Variants in VSIG4 observed in about 807,000 individuals in gnomAD.
VSIG4 encodes the protein V-set and immunoglobulin domain-containing protein 4.
A neutral mutation model predicts 23.4 loss-of-function variants in VSIG4; 34 were observed. That is an observed-to-expected ratio of 1.45 (90% CI 1.10 to 1.93). VSIG4 has a LOEUF of 1.93. Among genes scored for constraint, VSIG4 ranks in the 30% most tolerant of loss-of-function variants. VSIG4 has a pLI of 0.00. For synonymous variants in VSIG4, 169 were observed against 120.3 expected (o/e 1.41, Z -2.65); for missense variants, 433 against 310.8 (o/e 1.39, Z -2.96).
chrX:66,027,394 G>T, intron 5 of VSIG4, 55 bp downstream of exon 5: 5 of 1,044,809 alleles, frequency 4.8e-6, no homozygotes, highest in Non-Finnish European at 6.6e-6. Flanking sequence ...GGAAAGTTTT[G>T]GTCACAAAGC....
chrX:66,034,117 G>A (rs994525308), intron 1 of VSIG4, among the ~76,000 whole-genome samples: 14 of 111,876 alleles, frequency 1.3e-4, no homozygotes, highest in Non-Finnish European at 2.3e-4. Flanking sequence ...CCTTCTTACC[G>A]TGGAAGATTC....
At chrX:66,035,709 T>C (rs760906050) in intron 1 of VSIG4, among the ~76,000 whole-genome samples, 23 of 112,038 alleles carry the variant, frequency 2.1e-4, no homozygotes, top group Middle Eastern at 4.6e-3. Flanking sequence ...AAACATACCA[T>C]GCTTAAACCC....
chrX:66,026,086 CTTAG>C (rs2085387139), intron 5 of VSIG4, among the ~76,000 whole-genome samples: 1 of 111,985 alleles, frequency 8.9e-6, no homozygotes, highest in Admixed American at 9.5e-5. Flanking sequence ...GTCACTAGGC[CTTAG>C]TTACCCCATA....
At chrX:66,024,648 GT>G (rs1334198580) in intron 6 of VSIG4, among the ~76,000 whole-genome samples, 5 of 111,731 alleles carry the variant, frequency 4.5e-5, no homozygotes, top group Non-Finnish European at 9.4e-5. Flanking sequence ...GTCTTCTCTA[GT>G]TTTTGAGCTC....
intron 1 of VSIG4, among the ~76,000 whole-genome samples, chrX:66,034,270 G>T (rs1367438252): frequency 1.8e-5 from 2 of 111,958 alleles, no homozygotes; most frequent in Non-Finnish European, 3.8e-5. Flanking sequence ...TAAGCATTTG[G>T]GTCTGGACTA....
At chrX:66,036,981 A>G (rs1350786586) in intron 1 of VSIG4, among the ~76,000 whole-genome samples, 3 of 31,293 alleles carry the variant, frequency 9.6e-5, no homozygotes, top group African/African-American at 9.1e-4. Flanking sequence ...ATAATATAAT[A>G]TATCATATAA....
intron 5 of VSIG4, 50 bp downstream of exon 5, chrX:66,027,399 C>T (rs766517721): frequency 9.1e-7 from 1 of 1,101,645 alleles, no homozygotes; most frequent in East Asian, 3.2e-5. Context: ...GTTTTGGTCA[C>T]AAAGCTTAGA....
intron 4 of VSIG4, 75 bp from the exon 5 acceptor site, chrX:66,027,601 G>T (rs999238503): frequency 5.8e-6 from 5 of 865,204 alleles, no homozygotes; most frequent in Non-Finnish European, 8.3e-6. Flanking sequence ...TGGTTGCAAA[G>T]GTTGGAGTCC....
intron 5 of VSIG4, among the ~76,000 whole-genome samples, chrX:66,026,246 A>G: frequency 8.9e-6 from 1 of 111,982 alleles, no homozygotes; most frequent in Non-Finnish European, 1.9e-5. Context: ...GCTTGTTTTC[A>G]TGAGACTCTA....
At chrX:66,036,869 T>A (rs867114346) in intron 1 of VSIG4, among the ~76,000 whole-genome samples, 2,574 of 40,216 alleles carry the variant, frequency 0.064, 124 homozygotes, top group Non-Finnish European at 0.081. Context: ...AATAATATAT[T>A]ATATTATATA....
At chrX:66,032,394 T>A in intron 3 of VSIG4, 74 bp downstream of exon 3, 2 of 1,123,863 alleles carry the variant, frequency 1.8e-6, no homozygotes, top group Non-Finnish European at 2.4e-6. Context: ...TTCTTTTGCA[T>A]AAGGGCACCT....
At chrX:66,025,216 G>A in intron 5 of VSIG4, 87 bp from the exon 6 acceptor site, 2 of 627,936 alleles carry the variant, frequency 3.2e-6, no homozygotes, top group South Asian at 4.2e-5. Context: ...ACTAAGCCAG[G>A]CCTTTTTCTT....
At chrX:66,039,918 C>A (rs2085664115) in intron 1 of VSIG4, 26 bp downstream of exon 1, 1 of 1,208,004 alleles carries the variant, frequency 8.3e-7, no homozygotes, top group African/African-American at 1.7e-5. Flanking sequence ...CCAGCAATGG[C>A]AGCCAGGCCC....
In VSIG4 at chrX:66,022,830, G is replaced by T. The variant is rs765036113; in HGVS notation, c.962+11C>A. ...ACGGGGTCAAAAATGGAAGAGGAGA[G>T]ACTTTCTTACCTGGCTGCTTCGTAG... On this transcript the variant is annotated intron_variant, in intron 7 of 7. Coordinates refer to ENST00000374737, the MANE Select transcript of VSIG4 (RefSeq NM_007268.3). 15 of 1,210,086 alleles carry T rather than the reference G, an allele frequency of 1.2e-5. No individual in the cohort carries two copies. Among genetic ancestry groups the T allele is most frequent in the East Asian group, 1.2e-4 (4 of 33,742 alleles).
intron 1 of VSIG4, among the ~76,000 whole-genome samples, chrX:66,038,481 T>A (rs770005715): frequency 2.5e-4 from 25 of 101,950 alleles, no homozygotes; most frequent in Admixed American, 5.3e-4. Context: ...TCTCTCTCTC[T>A]CACACACACA....
At chrX:66,023,005 A>G in intron 6 of VSIG4, 143 bp from the exon 7 acceptor site, 1 of 639,144 alleles carries the variant, frequency 1.6e-6, no homozygotes, top group Non-Finnish European at 2.4e-6. Context: ...AACAACTGGG[A>G]GGTATTGGGG....
rs1157278270 is a variant in VSIG4, at chrX:66,033,499, C to A, written c.387G>T (p.Lys129Asn). ...TPDGNQVVRD[K>N]ITELRVQKLS... ...GTTTCTGGACACGGAGCTCAGTAAT[C>A]TTATCTCTCACGACTTGGTTGCCAT... Residue 129 changes from lysine (K) to asparagine (N), a missense_variant, in exon 2 of 8, where the codon AAG becomes AAT. Transcript: ENST00000374737. 2 of 1,207,810 alleles carry A rather than the reference C, an allele frequency of 1.7e-6. No homozygotes were observed. Among genetic ancestry groups the A allele is most frequent in the African/African-American group, 3.5e-5 (2 of 57,133 alleles).
At chrX:66,026,070 TTGAC>T (rs1204226298) in intron 5 of VSIG4, among the ~76,000 whole-genome samples, 1 of 112,125 alleles carries the variant, frequency 8.9e-6, no homozygotes, top group Admixed American at 9.4e-5. Context: ...AGACAAAACT[TTGAC>T]TGTCACTAGG....
chrX:66,032,830 G>T (rs762765960), intron 2 of VSIG4, 81 bp from the exon 3 acceptor site: 8 of 1,024,473 alleles, frequency 7.8e-6, no homozygotes, highest in Non-Finnish European at 6.6e-6. Flanking sequence ...CTTGTTGGGC[G>T]TAAGGGCATG....
Sources: gnomAD v4.1 joint callset for allele counts (sites outside exome capture counted in the v4.1 genomes callset) on GRCh38, gnomAD v4.1.1 for gene constraint, MANE v1.5 for transcripts, NCBI Gene and HGNC (gene_info 2026-07-23, HGNC 2026-07-21) for gene names.